LRP2: variants seen among roughly 807,000 people sequenced by gnomAD.
The protein encoded by LRP2 is low-density lipoprotein receptor-related protein 2.
A neutral mutation model predicts 531.0 loss-of-function variants in LRP2; 172 were observed. The ratio of observed to expected loss-of-function variants is 0.32; its 90% CI spans 0.29 to 0.37. The LOEUF (loss-of-function observed/expected upper bound fraction) is 0.37, where lower values mean the gene tolerates loss of function less well. LRP2 is among the 10% of genes least tolerant of loss of function. The pLI is 1.00. For missense variants in LRP2, 5,167 were observed against 5,868.3 expected (o/e 0.88, Z 3.90); for synonymous variants, 1,992 against 2,027.6 (o/e 0.98, Z 0.47).
In LRP2 at chr2:169,239,718, G is replaced by C. The variant is rs748873916; in HGVS notation, c.4103C>G (p.Pro1368Arg). ...TGGACATAGGCATTTAGCCCCAAAG[G>C]GCTCTTGAACACACTCGTGAGTACA... ...GGCTHECVQE[P>R]FGAKCLCPLG... Residue 1368 changes from proline to arginine, a missense_variant, in exon 26 of 79, where the codon CCC becomes CGC. Physicochemically the swap from Pro to Arg is moderately radical, Grantham distance 103 (BLOSUM62 -2). This residue lies in a region of LRP2 where 2,811 missense variants were observed against 3,058.0 expected (regional missense o/e 0.92). Transcript: ENST00000649046. 2.5e-6 allele frequency: 4 copies of C among 1,613,992 alleles called. No homozygotes were observed. The South Asian group carries it at 3.3e-5, about 13-fold the overall frequency.
intron 33 of LRP2, 142 bp downstream of exon 33, chr2:169,225,168 T>G (rs1274159335): frequency 1.4e-6 from 1 of 732,396 alleles, no homozygotes; most frequent in Non-Finnish European, 2.2e-6. Context: ...TTCAGAGACT[T>G]TGATAGTTAA....
intron 50 of LRP2, chr2:169,182,766 A>G: frequency 9.8e-6 from 3 of 305,312 alleles, no homozygotes; most frequent in Non-Finnish European, 1.4e-5. Context: ...CATTCTTAAG[A>G]TAAAGATTAT....
At position 169,256,103 on chromosome 2, in the gene LRP2, T is replaced by C. The variant is rs565959351; in HGVS notation, c.2770+3A>G. 2.5e-6 allele frequency: 4 copies of C among 1,612,684 alleles called. No individual in the cohort carries two copies. Among genetic ancestry groups the C allele is most frequent in the Non-Finnish European group, 3.4e-6 (4 of 1,178,990 alleles). On this transcript the variant is annotated splice_donor_region_variant and intron_variant, in intron 19 of 78. Coordinates refer to ENST00000649046, the MANE Select transcript of LRP2 (RefSeq NM_004525.3). ...TACATACTTTTATTGCTTTAAAACATACCTCCAAAGATGGCAAGTCCAAAC... is the reference window on the plus strand; with the variant it reads ...TACATACTTTTATTGCTTTAAAACACACCTCCAAAGATGGCAAGTCCAAAC...
chr2:169,145,294 A>G (rs936546592), intron 70 of LRP2, among the ~76,000 whole-genome samples: 1 of 152,236 alleles, frequency 6.6e-6, no homozygotes, highest in South Asian at 2.1e-4. Context: ...GCGGGTAGGA[A>G]TGCACATGAC....
chr2:169,219,253 A>G (rs1688903389), intron 34 of LRP2, among the ~76,000 whole-genome samples: 1 of 152,190 alleles, frequency 6.6e-6, no homozygotes, highest in Non-Finnish European at 1.5e-5. Context: ...CGCTAATACA[A>G]ATTACTTCTT....
intron 76 of LRP2, among the ~76,000 whole-genome samples, 192 bp downstream of exon 76, chr2:169,137,200 G>T (rs1685545274): frequency 6.6e-6 from 1 of 152,230 alleles, no homozygotes; most frequent in East Asian, 1.9e-4. Context: ...CAACAGAACA[G>T]GATTCTGATT....
intron 1 of LRP2, among the ~76,000 whole-genome samples, chr2:169,327,407 C>T (rs1159023889): frequency 0.019 from 2,420 of 124,442 alleles, 110 homozygotes; most frequent in African/African-American, 0.078. Context: ...GCCCCTCTGC[C>T]GGGCCAGCCA....
At chr2:169,347,423 C>T (rs1236644383) in intron 1 of LRP2, among the ~76,000 whole-genome samples, 1 of 152,102 alleles carries the variant, frequency 6.6e-6, no homozygotes. Context: ...TCATTTTTTT[C>T]TTCAGTGACT....
chr2:169,142,352 T>C (rs940273699), intron 71 of LRP2, among the ~76,000 whole-genome samples: 3 of 152,196 alleles, frequency 2.0e-5, no homozygotes, highest in Non-Finnish European at 2.9e-5. Context: ...TCTGGGGCAA[T>C]GGGAATCCAG....
chr2:169,161,609 G>A (rs906254171), intron 63 of LRP2, among the ~76,000 whole-genome samples: 2 of 152,028 alleles, frequency 1.3e-5, no homozygotes, highest in African/African-American at 4.8e-5. Context: ...GAGTATCTGG[G>A]ACTAGAGGTG....
intron 19 of LRP2, 116 bp from the exon 20 acceptor site, chr2:169,247,631 T>C (rs1690063328): frequency 5.7e-6 from 6 of 1,046,886 alleles, no homozygotes; most frequent in Non-Finnish European, 8.7e-6. Flanking sequence ...ATCTCCCCCA[T>C]AAATATCTGT....
chr2:169,151,629 C>T (rs921969632), intron 67 of LRP2, among the ~76,000 whole-genome samples: 1 of 152,182 alleles, frequency 6.6e-6, no homozygotes, highest in East Asian at 1.9e-4. Context: ...CTTATTTCCA[C>T]TTCTGAGGCT....
intron 1 of LRP2, among the ~76,000 whole-genome samples, chr2:169,338,389 A>AAAGG (rs1559082655): frequency 2.3e-5 from 3 of 127,812 alleles, no homozygotes; most frequent in African/African-American, 6.2e-5. Flanking sequence ...AGAAAGAAAG[A>AAAGG]AAGAAAGAAA....
chr2:169,152,780 G>A lies in LRP2; in HGVS notation c.12461+19C>T, dbSNP rs1026539208. On this transcript the variant is annotated intron_variant, in intron 67 of 78. Coordinates refer to ENST00000649046, the MANE Select transcript of LRP2 (RefSeq NM_004525.3). Reference sequence around the variant, plus strand: ...CAGGAAAACAGAACAGGTAAGGGGGGAATGTATGGCAAATTTACCTTCCAA... The same window carrying A: ...CAGGAAAACAGAACAGGTAAGGGGGAAATGTATGGCAAATTTACCTTCCAA... 16 of 1,613,536 alleles carry A rather than the reference G, an allele frequency of 9.9e-6. No individual in the cohort carries two copies. The African/African-American group carries it at 1.7e-4, about 18-fold the overall frequency.
intron 45 of LRP2, among the ~76,000 whole-genome samples, chr2:169,198,098 G>A (rs533732436): frequency 3.3e-5 from 5 of 152,126 alleles, no homozygotes; most frequent in Admixed American, 1.3e-4. Flanking sequence ...AAATTCCAAC[G>A]TATCTAGGGG....
rs534315310 is a variant in LRP2 at position 169,302,111 on chromosome 2, G to A, written c.427+5170C>T. Among the ~76,000 whole-genome samples, 9 of 152,124 alleles carry A rather than the reference G, an allele frequency of 5.9e-5. 2 individuals carry two copies. The highest frequency in any genetic ancestry group is 2.2e-4 in the African/African-American group (9 of 41,528). ...CCACAAGTAATGATTTCCATGCATC[G>A]TCACTGCAGAAATAATAAAGTGTCA... On this transcript the variant is annotated intron_variant, in intron 4 of 78. Coordinates refer to ENST00000649046, the MANE Select transcript of LRP2 (RefSeq NM_004525.3).
chr2:169,348,290 G>T (rs2673172), intron 1 of LRP2, among the ~76,000 whole-genome samples: 67,772 of 151,956 alleles, frequency 0.45, 16,670 homozygotes, highest in African/African-American at 0.66. Flanking sequence ...TATTTGTTAC[G>T]TATGGAGTCC....
intron 1 of LRP2, among the ~76,000 whole-genome samples, chr2:169,321,998 T>C (rs1684921033): frequency 6.6e-6 from 1 of 152,212 alleles, no homozygotes; most frequent in Non-Finnish European, 1.5e-5. Context: ...AAGCAGCCAC[T>C]ACCAGCCCCA....
At chr2:169,311,010 T>C (rs1172006417) in intron 3 of LRP2, among the ~76,000 whole-genome samples, 1 of 152,234 alleles carries the variant, frequency 6.6e-6, no homozygotes, top group Non-Finnish European at 1.5e-5. Context: ...TAGTATTCTC[T>C]GATGGTAGTT....
Sources: allele counts gnomAD v4.1 joint callset (sites outside exome capture counted in the v4.1 genomes callset), GRCh38; gene constraint gnomAD v4.1.1; regional missense constraint gnomAD v4.1.1; transcripts MANE v1.5; gene names NCBI Gene and HGNC (gene_info 2026-07-23, HGNC 2026-07-21).